SKA3: variants seen among roughly 807,000 people sequenced by gnomAD.
SKA3 encodes the protein spindle and kinetochore-associated protein 3.
Under a neutral mutation model 44.2 loss-of-function variants are expected in SKA3, and 39 were observed. The observed-to-expected ratio is 0.88, with a 90% CI of 0.68 to 1.15. The LOEUF is 1.15. SKA3 is among the 50% of genes most tolerant of loss of function. The pLI, the probability that SKA3 is intolerant of heterozygous loss-of-function variation, is 0.00. For missense variants in SKA3, 511 were observed against 485.8 expected (o/e 1.05, Z -0.49); for synonymous variants, 192 against 172.0 (o/e 1.12, Z -0.91).
intron 4 of SKA3, among the ~76,000 whole-genome samples, chr13:21,165,646 G>T (rs760939408): frequency 6.6e-6 from 1 of 152,068 alleles, no homozygotes; most frequent in Non-Finnish European, 1.5e-5. Context: ...CATCAAGAAT[G>T]ATGTTAGGCT....
chr13:21,158,037 T>C lies in SKA3; in HGVS notation c.1004A>G (p.Asp335Gly). Residue 335 changes from aspartate (D) to glycine (G), a missense_variant, in exon 7 of 9, where the codon GAC becomes GGC. Physicochemically the swap from Asp to Gly is moderately conservative, Grantham distance 94. Transcript: ENST00000314759. ...EDRTSLVLNSDTCFENLTDPS... is the reference protein window; with the variant it reads ...EDRTSLVLNSGTCFENLTDPS... ...ATCTGTTAAATTCTCAAAGCATGTGTCTGAATTTAAAACCAACGAAGTACG... is the reference window on the plus strand; with the variant it reads ...ATCTGTTAAATTCTCAAAGCATGTGCCTGAATTTAAAACCAACGAAGTACG... 1.2e-6 allele frequency: 2 copies of C among 1,613,316 alleles called. No individual in the cohort carries two copies. The highest frequency in any genetic ancestry group is 1.7e-6 in the Non-Finnish European group (2 of 1,179,328).
At chr13:21,163,931 T>C (rs1302336606) in intron 4 of SKA3, among the ~76,000 whole-genome samples, 1 of 152,086 alleles carries the variant, frequency 6.6e-6, no homozygotes, top group African/African-American at 2.4e-5. Context: ...GCCCGGCTAA[T>C]TTGTGTATTT....
rs558218775 is a variant in SKA3 at position 21,155,450 on chromosome 13, A to G, written c.1238+243T>C. ...TTAGATGGAGTCTCGCTCTGTTGCC[A>G]GGCTGGAGTGCAGTGGCATGATCTT... is the stretch of plus-strand genomic sequence containing the variant. On this transcript the variant is annotated intron_variant, in intron 8 of 8. Transcript: ENST00000314759. Among the ~76,000 whole-genome samples the G allele has an allele frequency of 8.7e-5, 13 of 149,118 alleles. No individual in the cohort carries two copies. The South Asian group carries it at 2.3e-3, about 27-fold the overall frequency.
chr13:21,160,240 A>G (rs1162438631), intron 5 of SKA3, among the ~76,000 whole-genome samples: 1 of 152,244 alleles, frequency 6.6e-6, no homozygotes, highest in Non-Finnish European at 1.5e-5. Context: ...ACCTACAAAT[A>G]TATCTATTAA....
chr13:21,156,038 C>T (rs538089117), intron 7 of SKA3, among the ~76,000 whole-genome samples: 19 of 151,882 alleles, frequency 1.3e-4, no homozygotes, highest in Non-Finnish European at 2.4e-4. Context: ...CATACAAAAA[C>T]TAGCTAGGAG....
chr13:21,161,883 G>GTAATCTTCACTTAAACACATAGTAT lies in SKA3; in HGVS notation c.744-9_744-8insATACTATGTGTTTAAGTGAAGATTA. 8.1e-7 allele frequency: 1 copy of GTAATCTTCACTTAAACACATAGTAT among 1,232,134 alleles called. No homozygotes were observed. The highest frequency in any genetic ancestry group is 3.9e-5 in the East Asian group (1 of 25,686). 76.3% of individuals were successfully genotyped at this position (1,232,134 alleles called of 1,614,324 possible). On this transcript the variant is annotated splice_polypyrimidine_tract_variant and intron_variant, in intron 4 of 8. Coordinates refer to ENST00000314759, the MANE Select transcript of SKA3 (RefSeq NM_145061.6). ...GTATCTATGGCCTCCTCACTGGTGT[G>GTAATCTTCACTTAAACACATAGTAT]ATTCATAGGGAAATTACAAGGTTAA...
chr13:21,170,091 G>C (rs550779513), intron 3 of SKA3, among the ~76,000 whole-genome samples: 1 of 151,988 alleles, frequency 6.6e-6, no homozygotes, highest in East Asian at 1.9e-4. Context: ...CCTTAGTCTG[G>C]AACACCTATA....
intron 4 of SKA3, among the ~76,000 whole-genome samples, chr13:21,166,876 T>G (rs543894346): frequency 3.9e-5 from 6 of 152,364 alleles, no homozygotes; most frequent in African/African-American, 1.4e-4. Flanking sequence ...AAATTTTATC[T>G]TTAGTGTTTT....
intron 3 of SKA3, among the ~76,000 whole-genome samples, chr13:21,170,329 G>A (rs970905076): frequency 6.6e-6 from 1 of 151,842 alleles, no homozygotes; most frequent in Non-Finnish European, 1.5e-5. Flanking sequence ...ACAGGCACAC[G>A]CCACCACACC....
intron 4 of SKA3, among the ~76,000 whole-genome samples, chr13:21,164,600 TATTA>T (rs1242980630): frequency 6.6e-6 from 1 of 152,226 alleles, no homozygotes; most frequent in East Asian, 1.9e-4. Flanking sequence ...TTAAAATATT[TATTA>T]GTCGTATCTA....
At position 21,157,972 on chromosome 13, in the gene SKA3, T is replaced by C. The variant is rs770985408; in HGVS notation, c.1069A>G (p.Arg357Gly). 1 of 1,613,098 alleles carries C rather than the reference T, an allele frequency of 6.2e-7. No homozygotes were observed. The highest frequency in any genetic ancestry group is 1.7e-5 in the Admixed American group (1 of 60,010). ...GTTACTTCCGGAGGTGTAGGTGTTC[T>C]GAGCAGATTCTCATAAGAAGAAATC... is the stretch of plus-strand genomic sequence containing the variant. ...PTISSYENLLRTPTPPEVTKI... is the reference protein window; with the variant it reads ...PTISSYENLLGTPTPPEVTKI... The change falls in exon 7 of 9, where the codon AGA becomes GGA. Residue 357 changes from arginine (R) to glycine (G), a missense_variant. By Grantham distance (125) the Arg-to-Gly change is moderately radical. Transcript: ENST00000314759.
Position 21,154,870 on chromosome 13 carries a change from C to T in SKA3, c.*280G>A. 1.8e-6 allele frequency: 1 copy of T among 564,352 alleles called. No individual in the cohort carries two copies. Among genetic ancestry groups the T allele is most frequent in the Non-Finnish European group, 3.1e-6 (1 of 322,808 alleles). 35.0% of individuals were successfully genotyped at this position (564,352 alleles called of 1,614,324 possible). ...TTACTTGTCCTACTTCCTGGTACTACTTAAACCATTCTGTTGATTAAGCTG... is the reference window on the plus strand; with the variant it reads ...TTACTTGTCCTACTTCCTGGTACTATTTAAACCATTCTGTTGATTAAGCTG... On this transcript the variant is annotated 3_prime_UTR_variant, in exon 9 of 9. Transcript: ENST00000314759.
At chr13:21,161,660 A>G (rs937282169) in intron 5 of SKA3, 130 bp downstream of exon 5, 1 of 535,456 alleles carries the variant, frequency 1.9e-6, no homozygotes, top group East Asian at 3.3e-5. Flanking sequence ...AATGGTACTT[A>G]ATGTAATCCA....
rs1016818853 is a variant in SKA3, at chr13:21,175,991, T to C, written c.103+384A>G. 2.6e-5 allele frequency among the ~76,000 whole-genome samples: 4 copies of C among 152,220 alleles called. 1 individual carries two copies. The South Asian group carries it at 8.3e-4, about 31-fold the overall frequency. ...TTTACTGACAAGCACACATATTGTA[T>C]GTGACGAAAGCATATCACGTATAAA... is the stretch of plus-strand genomic sequence containing the variant. On this transcript the variant is annotated intron_variant, in intron 1 of 8. Transcript: ENST00000314759.
intron 4 of SKA3, 43 bp from the exon 5 acceptor site, chr13:21,161,918 C>A (rs1029552339): frequency 1.7e-6 from 2 of 1,143,914 alleles, no homozygotes; most frequent in Admixed American, 5.5e-5. Flanking sequence ...AAAAAGTTAA[C>A]ATTCAATCTC....
At chr13:21,159,862 T>G (rs763763903) in intron 6 of SKA3, 40 bp downstream of exon 6, 2 of 1,162,396 alleles carry the variant, frequency 1.7e-6, no homozygotes, top group Non-Finnish European at 2.3e-6. Flanking sequence ...TTTGAGTCTT[T>G]AGGAGAAAGA....
Position 21,154,641 on chromosome 13 carries a change from CCT to C in SKA3, c.*507_*508del, listed in dbSNP as rs1869998862. ...ATAGTTACCCAGGCCTGGAAATCTC[CCT>C]CTTTTCCTAATTAGTTTAACTGGTG... On this transcript the variant is annotated 3_prime_UTR_variant, in exon 9 of 9. Coordinates refer to ENST00000314759, the MANE Select transcript of SKA3 (RefSeq NM_145061.6). 6.0e-6 allele frequency: 1 copy of C among 167,158 alleles called. No homozygotes were observed. Among genetic ancestry groups the C allele is most frequent in the Non-Finnish European group, 1.3e-5 (1 of 76,814 alleles). The allele number at this position is 167,158 out of a possible 1,614,324, so 10.4% of individuals were successfully genotyped here.
Position 21,154,870 on chromosome 13 carries a change from C to A in SKA3, c.*280G>T. On this transcript the variant is annotated 3_prime_UTR_variant, in exon 9 of 9. Coordinates refer to ENST00000314759, the MANE Select transcript of SKA3 (RefSeq NM_145061.6). The stretch of plus-strand genomic sequence containing the variant: ...TTACTTGTCCTACTTCCTGGTACTA[C>A]TTAAACCATTCTGTTGATTAAGCTG... 3 of 564,352 alleles carry A rather than the reference C, an allele frequency of 5.3e-6. No individual in the cohort carries two copies. The highest frequency in any genetic ancestry group is 9.3e-6 in the Non-Finnish European group (3 of 322,808). The allele number at this position is 564,352 out of a possible 1,614,324, so 35.0% of individuals were successfully genotyped here.
At position 21,168,398 on chromosome 13, in the gene SKA3, T is replaced by G; in HGVS notation, c.333A>C (p.Val111=). The G allele has an allele frequency of 6.4e-7, 1 of 1,573,044 alleles. No individual in the cohort carries two copies. Among genetic ancestry groups the G allele is most frequent in the Non-Finnish European group, 8.6e-7 (1 of 1,161,858 alleles). Residue 111 remains valine (V), a splice_region_variant and synonymous_variant, in exon 4 of 9, where the codon GTA becomes GTC. Coordinates refer to ENST00000314759, the MANE Select transcript of SKA3 (RefSeq NM_145061.6). ...CAGAGTTAATGGCTTCTTGCTCGTG[T>G]ACTAGGAGGAAAAATCAGAATATTC... ...GYSPRVKKNS[V]HEQEAINSDP... is the part of the protein sequence containing the mutation.
Sources: allele counts gnomAD v4.1 joint callset (sites outside exome capture counted in the v4.1 genomes callset), GRCh38; gene constraint gnomAD v4.1.1; transcripts MANE v1.5; gene names NCBI Gene and HGNC (gene_info 2026-07-23, HGNC 2026-07-21).